MTARC1: variants seen among roughly 807,000 people sequenced by gnomAD.
MTARC1 encodes mitochondrial amidoxime reducing component 1, also known as mitochondrial amidoxime-reducing component 1.
In MTARC1, 24 loss-of-function variants were observed where a neutral mutation model predicts 33.6. That is an observed-to-expected ratio of 0.72 (90% CI 0.52 to 1.01). The LOEUF (loss-of-function observed/expected upper bound fraction) is 1.01. Ranked by LOEUF, MTARC1 falls within the 50% of genes least tolerant of loss-of-function variation. The pLI is 0.00. For missense variants in MTARC1, 417 were observed against 445.7 expected (o/e 0.94, Z 0.58); for synonymous variants, 187 against 189.5 (o/e 0.99, Z 0.11).
chr1:220,805,445 G>A (rs868719462), intron 6 of MTARC1, among the ~76,000 whole-genome samples, 171 bp downstream of exon 6: 1 of 152,160 alleles, frequency 6.6e-6, no homozygotes, highest in South Asian at 2.1e-4. Flanking sequence ...TGGTGTTTTG[G>A]ACACCAACAT....
chr1:220,800,491 A>G (rs1408822831), intron 4 of MTARC1, among the ~76,000 whole-genome samples: 2 of 152,100 alleles, frequency 1.3e-5, no homozygotes, highest in African/African-American at 4.8e-5. Flanking sequence ...TAACACCTGC[A>G]TTGTGGGGTG....
At chr1:220,803,991 T>G (rs6693017) in intron 4 of MTARC1, among the ~76,000 whole-genome samples, 32,917 of 152,152 alleles carry the variant, frequency 0.22, 4,088 homozygotes, top group African/African-American at 0.33. Context: ...GAGTTAAAAT[T>G]CTGAGCTCAT....
chr1:220,810,475 ACTCCCATAG>A (rs1267762311), intron 6 of MTARC1, among the ~76,000 whole-genome samples: 2 of 150,630 alleles, frequency 1.3e-5, no homozygotes, highest in African/African-American at 4.9e-5. Context: ...CCCCTTTTCC[ACTCCCATAG>A]CTCTTCCCGC....
rs1673230358 is a variant in MTARC1 at position 220,814,317 on chromosome 1, T to A, written c.*899T>A. The A allele has an allele frequency of 6.6e-6, 1 of 152,238 alleles. No homozygotes were observed. The highest frequency in any genetic ancestry group is 2.4e-5 in the African/African-American group (1 of 41,458). The allele number at this position is 152,238 out of a possible 1,614,324, so 9.4% of individuals were successfully genotyped here. The stretch of plus-strand genomic sequence containing the variant: ...ATATTTTTTATTGCCATTTTGTCCT[T>A]TGATTATATTGGGAAGTTGACTAAA... On this transcript the variant is annotated 3_prime_UTR_variant, in exon 7 of 7. Transcript: ENST00000366910.
intron 1 of MTARC1, among the ~76,000 whole-genome samples, chr1:220,789,969 G>A (rs979681975): frequency 1.3e-5 from 2 of 152,116 alleles, no homozygotes; most frequent in African/African-American, 2.4e-5. Flanking sequence ...GTGATGAAAA[G>A]GTTTTGCAAA....
At chr1:220,808,919 G>T in intron 6 of MTARC1, 1 of 471,032 alleles carries the variant, frequency 2.1e-6, no homozygotes, top group Non-Finnish European at 4.4e-6. Flanking sequence ...TGCCGTTGTT[G>T]CTTCCATGAC....
chr1:220,798,058 T>G, intron 4 of MTARC1, 44 bp downstream of exon 4: 1 of 1,614,044 alleles, frequency 6.2e-7, no homozygotes, highest in Non-Finnish European at 8.5e-7. Context: ...TTTGACTTCT[T>G]TTTTAAGGTA....
At chr1:220,798,391 C>T (rs372580977) in intron 4 of MTARC1, 1 of 1,176,534 alleles carries the variant, frequency 8.5e-7, no homozygotes. Context: ...TAGTAGACGG[C>T]TCTCTTGGAG....
intron 6 of MTARC1, among the ~76,000 whole-genome samples, chr1:220,808,445 G>A (rs1291539510): frequency 1.3e-5 from 2 of 152,234 alleles, no homozygotes; most frequent in African/African-American, 2.4e-5. Context: ...TGCCATGGAT[G>A]TGTAATTTAT....
chr1:220,798,277 T>C (rs1275275416), intron 4 of MTARC1: 1 of 1,366,874 alleles, frequency 7.3e-7, no homozygotes, highest in African/African-American at 1.5e-5. Flanking sequence ...AGTTGACAGG[T>C]TCGTTGTTGA....
rs935758577 is a variant in MTARC1, at chr1:220,797,702, T to C, written c.613-172T>C. The C allele has an allele frequency of 1.8e-5, 11 of 622,308 alleles. No individual in the cohort carries two copies. In the African/African-American group the frequency reaches 2.0e-4, roughly 11 times the overall value. The allele number at this position is 622,308 out of a possible 1,614,324, so 38.5% of individuals were successfully genotyped here. On this transcript the variant is annotated intron_variant, in intron 3 of 6. Transcript: ENST00000366910. ...ATGCAGTTTCTGCTATCTGCAAGGCTATTGAAAACTTCTGAGTCACTGTGA... is the reference window on the plus strand; with the variant it reads ...ATGCAGTTTCTGCTATCTGCAAGGCCATTGAAAACTTCTGAGTCACTGTGA...
At chr1:220,794,418 C>T (rs924732607) in intron 2 of MTARC1, 4 of 151,888 alleles carry the variant, frequency 2.6e-5, no homozygotes, top group African/African-American at 9.7e-5. Context: ...ACTGCACACA[C>T]ACACACACAG....
rs1673203651 is a variant in MTARC1 at position 220,813,480 on chromosome 1, C to T, written c.*62C>T. The T allele has an allele frequency of 2.5e-6, 4 of 1,592,310 alleles. No homozygotes were observed. Among genetic ancestry groups the T allele is most frequent in the Non-Finnish European group, 3.4e-6 (4 of 1,164,196 alleles). ...AAAAATGTTCTCAAAAATGACAACA[C>T]TTGAAGCATGGTGTTTCAGAACTGA... On this transcript the variant is annotated 3_prime_UTR_variant, in exon 7 of 7. Transcript: ENST00000366910.
At position 220,817,694 on chromosome 1, in the gene MTARC1, G is replaced by A. The variant is rs1045058243; in HGVS notation, c.*4276G>A. 6.6e-6 allele frequency: 1 copy of A among 152,372 alleles called. No individual in the cohort carries two copies. Among genetic ancestry groups the A allele is most frequent in the Non-Finnish European group, 1.5e-5 (1 of 68,212 alleles). 9.4% of individuals were successfully genotyped at this position (152,372 alleles called of 1,614,324 possible). On this transcript the variant is annotated 3_prime_UTR_variant, in exon 7 of 7. Coordinates refer to ENST00000366910, the MANE Select transcript of MTARC1 (RefSeq NM_022746.4). ...TCCAAGTCCCCACTAGACCCAGGAA[G>A]TCCAGCTGGCTTCACCTCTCACTGG... is the stretch of plus-strand genomic sequence containing the variant.
At position 220,796,782 on chromosome 1, in the gene MTARC1, G is replaced by A; in HGVS notation, c.589G>A (p.Asp197Asn). Residue 197 changes from aspartate (D) to asparagine (N), a missense_variant, in exon 3 of 7, where the codon GAC (aspartate) becomes AAC (asparagine). By Grantham distance (23) the Asp-to-Asn change is conservative. Transcript: ENST00000366910. ...MRPRRPHQIA[D>N]LFRPKDQIAY... is the part of the protein sequence containing the mutation. The stretch of plus-strand genomic sequence containing the variant: ...ACCGAGACGTCCTCATCAAATAGCA[G>A]ACTTGTTCCGACCCAAGGACCAGGT... 1.2e-6 allele frequency: 2 copies of A among 1,610,764 alleles called. No individual in the cohort carries two copies. The highest frequency in any genetic ancestry group is 1.7e-6 in the Non-Finnish European group (2 of 1,178,592).
At chr1:220,807,510 G>A (rs753558552) in intron 6 of MTARC1, among the ~76,000 whole-genome samples, 164 of 152,330 alleles carry the variant, frequency 1.1e-3, no homozygotes, top group Admixed American at 2.0e-3. Context: ...TTGAATCCGA[G>A]AGGTGGAGGT....
At chr1:220,800,279 G>A (rs934825531) in intron 4 of MTARC1, among the ~76,000 whole-genome samples, 2 of 152,198 alleles carry the variant, frequency 1.3e-5, no homozygotes, top group African/African-American at 2.4e-5. Context: ...TGGCTGAGCC[G>A]GCCTTGTTTT....
rs147038221 is a variant in MTARC1 at position 220,804,325 on chromosome 1, A to G, written c.754-727A>G. Reference sequence around the variant, plus strand: ...ATTGCCAGCACAGTTAAACCAACACATGACGTGCTGCCTTGGAGTGCTTTT... The same window carrying G: ...ATTGCCAGCACAGTTAAACCAACACGTGACGTGCTGCCTTGGAGTGCTTTT... On this transcript the variant is annotated intron_variant, in intron 4 of 6. Transcript: ENST00000366910. 2.5e-3 allele frequency among the ~76,000 whole-genome samples: 376 copies of G among 152,262 alleles called. 3 individuals are homozygous for G. Among genetic ancestry groups the G allele is most frequent in the African/African-American group, 8.8e-3 (367 of 41,534 alleles).
intron 2 of MTARC1, among the ~76,000 whole-genome samples, chr1:220,792,228 G>A (rs1318399771): frequency 6.6e-6 from 1 of 152,174 alleles, no homozygotes; most frequent in African/African-American, 2.4e-5. Context: ...AATGAGGCTG[G>A]GGATGTAACC....
Sources: allele counts gnomAD v4.1 joint callset (sites outside exome capture counted in the v4.1 genomes callset), GRCh38; gene constraint gnomAD v4.1.1; transcripts MANE v1.5; gene names NCBI Gene and HGNC (gene_info 2026-07-23, HGNC 2026-07-21).